SARS1: variants seen among roughly 807,000 people sequenced by gnomAD.
SARS1 encodes the protein seryl-tRNA synthetase 1, also known as serine--tRNA ligase, cytoplasmic.
In SARS1, 25 loss-of-function variants were observed where a neutral mutation model predicts 63.7. The observed-to-expected ratio is 0.39, with a 90% CI of 0.29 to 0.55. SARS1 has a LOEUF of 0.55. Among genes scored for constraint, SARS1 ranks in the 20% least tolerant of loss-of-function variants. The pLI, the probability that SARS1 is intolerant of heterozygous loss-of-function variation, is 0.62. For missense variants in SARS1, 417 were observed against 649.7 expected, an observed-to-expected ratio of 0.64 and a Z score of 3.89; for synonymous variants, 231 against 243.5, an observed-to-expected ratio of 0.95 and a Z score of 0.48.
chr1:109,235,863 C>G lies in SARS1; in HGVS notation c.970-114C>G. ...CAGTCCCAGTTGCTGGGGGCCCAGACTTGCCTGCCTCCCAGTGGTGTGGAA... is the reference window on the plus strand; with the variant it reads ...CAGTCCCAGTTGCTGGGGGCCCAGAGTTGCCTGCCTCCCAGTGGTGTGGAA... On this transcript the variant is annotated intron_variant, in intron 7 of 10. Coordinates refer to ENST00000234677, the MANE Select transcript of SARS1 (RefSeq NM_006513.4). This position sits in a 1 kb window ranked among gnomAD's most constrained non-coding sequence, Gnocchi z 4.7. 1 of 1,066,858 alleles carries G rather than the reference C, an allele frequency of 9.4e-7. No homozygotes were observed. The highest frequency in any genetic ancestry group is 1.4e-6 in the Non-Finnish European group (1 of 738,766). The allele number at this position is 1,066,858 out of a possible 1,614,324, so 66.1% of individuals were successfully genotyped here. A position where few individuals can be genotyped will look rare whatever the true frequency, so the allele number is the denominator to read the frequency against.
In SARS1 at chr1:109,235,332, G is replaced by C. The variant is rs1247896267; in HGVS notation, c.870G>C (p.Leu290=). 9.3e-6 allele frequency: 15 copies of C among 1,613,984 alleles called. No individual in the cohort carries two copies. Among genetic ancestry groups the C allele is most frequent in the Middle Eastern group, 1.6e-4 (1 of 6,080 alleles). The change falls in exon 7 of 11, where the codon CTG becomes CTC. Residue 290 remains leucine (L), a synonymous_variant. Coordinates refer to ENST00000234677, the MANE Select transcript of SARS1 (RefSeq NM_006513.4). The surrounding 1 kb of genome is among the most constrained non-coding windows in gnomAD (Gnocchi z 4.7). ...HRDEWLRPED[L]PIKYAGLSTC... ...ATGAGTGGCTCCGGCCGGAGGACCT[G>C]CCCATCAAGTATGCTGGCCTGTCTA...
chr1:109,237,172 ATG>A lies in SARS1; in HGVS notation c.1258-71_1258-70del. 6.5e-7 allele frequency: 1 copy of A among 1,547,826 alleles called. No homozygotes were observed. Among genetic ancestry groups the A allele is most frequent in the African/African-American group, 1.4e-5 (1 of 72,280 alleles). On this transcript the variant is annotated intron_variant, in intron 9 of 10. Coordinates refer to ENST00000234677, the MANE Select transcript of SARS1 (RefSeq NM_006513.4). This position sits in a 1 kb window ranked among gnomAD's most constrained non-coding sequence, Gnocchi z 4.1. The stretch of plus-strand genomic sequence containing the variant: ...TGGTTGGGGAAGTCTGGTTGAATGG[ATG>A]GTTCCTGGCCGTCAGTAAGACCCGA...
chr1:109,236,749 C>G, intron 9 of SARS1: 1 of 1,547,068 alleles, frequency 6.5e-7, no homozygotes, highest in Non-Finnish European at 8.7e-7. Flanking sequence ...ATCTAGCTCT[C>G]TTCTATAAGG....
Position 109,219,890 on chromosome 1 carries a change from T to C in SARS1, c.137-4088T>C, listed in dbSNP as rs1164234973. Among the ~76,000 whole-genome samples the C allele has an allele frequency of 5.3e-5, 8 of 152,330 alleles. 1 individual carries two copies. Among genetic ancestry groups the C allele is most frequent in the South Asian group, 4.1e-4 (2 of 4,832 alleles). The stretch of plus-strand genomic sequence containing the variant: ...TGTAGCAGTAGTTGGTTCTTTTCAT[T>C]GCTATATAATACTCCATTATGTAAA... On this transcript the variant is annotated intron_variant, in intron 1 of 10. Transcript: ENST00000234677.
At chr1:109,234,776 G>A (rs1326576537) in intron 6 of SARS1, among the ~76,000 whole-genome samples, 1 of 152,166 alleles carries the variant, frequency 6.6e-6, no homozygotes, top group Non-Finnish European at 1.5e-5. Context: ...GATCAGCTTG[G>A]CCAACATGGT....
At chr1:109,229,301 T>C (rs1172514518) in intron 3 of SARS1, 113 bp from the exon 4 acceptor site, 1 of 1,063,288 alleles carries the variant, frequency 9.4e-7, no homozygotes, top group Non-Finnish European at 1.4e-6. Flanking sequence ...GTTTTTAAAA[T>C]GCTACCACAA....
chr1:109,226,524 T>TA (rs1385855280), intron 2 of SARS1, among the ~76,000 whole-genome samples: 25 of 146,782 alleles, frequency 1.7e-4, no homozygotes, highest in African/African-American at 6.0e-4. Context: ...GCTAATTTTT[T>TA]AAAAAGTCAC....
rs1377995981 is a variant in SARS1 at position 109,227,904 on chromosome 1, A to G, written c.208-448A>G. On this transcript the variant is annotated intron_variant, in intron 2 of 10. Transcript: ENST00000234677. Reference sequence around the variant, plus strand: ...AACTGTACTCTAGCCTGGGCGACAGAGTGAGACTCCGTCAAAAAAAAAAAA... The same window carrying G: ...AACTGTACTCTAGCCTGGGCGACAGGGTGAGACTCCGTCAAAAAAAAAAAA... Among the ~76,000 whole-genome samples the G allele has an allele frequency of 2.2e-5, 3 of 136,486 alleles. No individual in the cohort carries two copies. In the East Asian group the frequency reaches 6.8e-4, roughly 31 times the overall value. 89.5% of individuals were successfully genotyped at this position (136,486 alleles called of 152,430 possible). A position where few individuals can be genotyped will look rare whatever the true frequency, so the allele number is the denominator to read the frequency against.
At chr1:109,222,241 C>T (rs1224002960) in intron 1 of SARS1, among the ~76,000 whole-genome samples, 2 of 151,576 alleles carry the variant, frequency 1.3e-5, no homozygotes, top group East Asian at 3.9e-4. Flanking sequence ...TATAGATTTA[C>T]AGGAAGTTGG....
chr1:109,236,931 A>C lies in SARS1; in HGVS notation c.1258-313A>C, dbSNP rs912972120. 3.9e-6 allele frequency: 6 copies of C among 1,533,462 alleles called. 1 individual carries two copies. In the Admixed American group the frequency reaches 1.1e-4, roughly 29 times the overall value. The allele number at this position is 1,533,462 out of a possible 1,614,324, so 95.0% of individuals were successfully genotyped here. On this transcript the variant is annotated intron_variant, in intron 9 of 10. Coordinates refer to ENST00000234677, the MANE Select transcript of SARS1 (RefSeq NM_006513.4). The stretch of plus-strand genomic sequence containing the variant: ...TTCAGGCCCTACTCTTTTCCAAGTC[A>C]GGTGCTTGAAAGGGGTGAAAAGGAA...
chr1:109,231,908 C>A, intron 6 of SARS1, 122 bp downstream of exon 6: 2 of 787,280 alleles, frequency 2.5e-6, no homozygotes, highest in South Asian at 4.0e-5. Flanking sequence ...CTCTCTGTGA[C>A]TCTTGAGCAC....
chr1:109,222,075 G>A (rs1474085645), intron 1 of SARS1, among the ~76,000 whole-genome samples: 6 of 123,708 alleles, frequency 4.9e-5, no homozygotes. Flanking sequence ...CGTTGCCCAG[G>A]CTGGTCTCGA....
At position 109,231,618 on chromosome 1, in the gene SARS1, T is replaced by C. The variant is rs1337984322; in HGVS notation, c.592-13T>C. ...AGACCCAATCACATAGTACTGTGTC[T>C]CTGCTCCTCTAGGGGGTCCTGGTGT... On this transcript the variant is annotated splice_polypyrimidine_tract_variant and intron_variant, in intron 5 of 10. Coordinates refer to ENST00000234677, the MANE Select transcript of SARS1 (RefSeq NM_006513.4). 5 of 1,486,372 alleles carry C rather than the reference T, an allele frequency of 3.4e-6. No individual in the cohort carries two copies. Among genetic ancestry groups the C allele is most frequent in the Non-Finnish European group, 4.5e-6 (5 of 1,120,054 alleles). The allele number at this position is 1,486,372 out of a possible 1,614,324, so 92.1% of individuals were successfully genotyped here.
rs1434341836 is a variant in SARS1, at chr1:109,237,697, A to G, written c.1388-34A>G. ...TCTTAGGGCTTTGACTCACTGAGAA[A>G]CAACAGGTCATTTGGTTGGCTCTTC... On this transcript the variant is annotated intron_variant, in intron 10 of 10. Coordinates refer to ENST00000234677, the MANE Select transcript of SARS1 (RefSeq NM_006513.4). This position sits in a 1 kb window ranked among gnomAD's most constrained non-coding sequence, Gnocchi z 4.1. The G allele has an allele frequency of 2.5e-6, 4 of 1,610,474 alleles. No individual in the cohort carries two copies. The African/African-American group carries it at 5.4e-5, about 22-fold the overall frequency.
At position 109,237,431 on chromosome 1, in the gene SARS1, A is replaced by G. The variant is rs1034640130; in HGVS notation, c.1387+58A>G. On this transcript the variant is annotated intron_variant, in intron 10 of 10. Coordinates refer to ENST00000234677, the MANE Select transcript of SARS1 (RefSeq NM_006513.4). The surrounding 1 kb of genome is among the most constrained non-coding windows in gnomAD (Gnocchi z 4.1). ...CTTTTCTGTCTTCACACTCTTCTAAATAGCAGTCCCCTTTCAGGATATACC... is the reference window on the plus strand; with the variant it reads ...CTTTTCTGTCTTCACACTCTTCTAAGTAGCAGTCCCCTTTCAGGATATACC... The G allele has an allele frequency of 6.2e-7, 1 of 1,610,910 alleles. No homozygotes were observed. The highest frequency in any genetic ancestry group is 8.5e-7 in the Non-Finnish European group (1 of 1,177,780).
chr1:109,224,075 A>G, intron 2 of SARS1, 27 bp downstream of exon 2: 1 of 1,533,708 alleles, frequency 6.5e-7, no homozygotes, highest in Non-Finnish European at 9.0e-7. Flanking sequence ...ACAAACAGCC[A>G]TGAGAACTTG....
At position 109,235,275 on chromosome 1, in the gene SARS1, C is replaced by G. The variant is rs774705929; in HGVS notation, c.813C>G (p.Thr271=). 4.3e-6 allele frequency: 7 copies of G among 1,614,024 alleles called. No homozygotes were observed. Among genetic ancestry groups the G allele is most frequent in the South Asian group, 3.3e-5 (3 of 91,076 alleles). The part of the protein sequence containing the change: ...NSYDEKYLIA[T]SEQPIAALHR... ...ATGATGAGAAGTACCTGATTGCCAC[C>G]TCAGAGCAGCCCATTGCTGCCCTGC... The change falls in exon 7 of 11, where the codon ACC becomes ACG. Residue 271 remains threonine, a synonymous_variant. Transcript: ENST00000234677. This position sits in a 1 kb window ranked among gnomAD's most constrained non-coding sequence, Gnocchi z 4.7.
intron 1 of SARS1, among the ~76,000 whole-genome samples, chr1:109,218,059 G>T (rs985051207): frequency 2.0e-5 from 3 of 151,456 alleles, no homozygotes; most frequent in Admixed American, 1.3e-4. Flanking sequence ...CGGGCATGGT[G>T]GGGGGCGCCT....
chr1:109,237,689 A>C lies in SARS1; in HGVS notation c.1388-42A>C. 3 of 1,608,028 alleles carry C rather than the reference A, an allele frequency of 1.9e-6. No individual in the cohort carries two copies. The highest frequency in any genetic ancestry group is 1.1e-5 in the South Asian group (1 of 90,824). ...CCCAGAGGTCTTAGGGCTTTGACTC[A>C]CTGAGAAACAACAGGTCATTTGGTT... On this transcript the variant is annotated intron_variant, in intron 10 of 10. Coordinates refer to ENST00000234677, the MANE Select transcript of SARS1 (RefSeq NM_006513.4). The surrounding 1 kb of genome is among the most constrained non-coding windows in gnomAD (Gnocchi z 4.1).
Sources: gnomAD v4.1 joint callset for allele counts (sites outside exome capture counted in the v4.1 genomes callset) on GRCh38, gnomAD v4.1.1 for gene constraint, Gnocchi (gnomAD v3.1) non-coding constraint, MANE v1.5 for transcripts, NCBI Gene and HGNC (gene_info 2026-07-23, HGNC 2026-07-21) for gene names.